Variants in GRK5 observed in about 807,000 individuals in gnomAD.
The protein encoded by GRK5 is G protein-coupled receptor kinase 5.
GRK5 carries 40 observed loss-of-function variants against 78.4 expected under a neutral mutation model. The ratio of observed to expected loss-of-function variants is 0.51; its 90% confidence interval spans 0.40 to 0.66. GRK5 has a LOEUF of 0.66. GRK5 is among the 30% of genes least tolerant of loss of function. The pLI is 0.00. For synonymous variants in GRK5, 289 were observed against 296.8 expected, an observed-to-expected ratio of 0.97 and a Z score of 0.27; for missense variants, 598 against 759.9, an observed-to-expected ratio of 0.79 and a Z score of 2.50.
chr10:119,308,868 G>C (rs871199), intron 1 of GRK5, among the ~76,000 whole-genome samples: 105,153 of 151,770 alleles, frequency 0.69, 38,620 homozygotes, highest in East Asian at 0.84. Context: ...GTATGGATTT[G>C]GGGGAATGCT....
rs1480555202 is a variant in GRK5, at chr10:119,412,170, G to T, written c.340-10996G>T. ...CCGGCCTCAGATCCGCTTCTGATTG[G>T]AGGCTGTGCCCACCTTCATGGGAAA... On this transcript the variant is annotated intron_variant, in intron 4 of 15. Transcript: ENST00000392870. The surrounding 1 kb of genome is among the most constrained non-coding windows in gnomAD (Gnocchi z 4.3). 6.6e-6 allele frequency among the ~76,000 whole-genome samples: 1 copy of T among 152,026 alleles called. No individual in the cohort carries two copies. The highest frequency in any genetic ancestry group is 2.4e-5 in the African/African-American group (1 of 41,408).
At chr10:119,388,990 C>G (rs1003721254) in intron 3 of GRK5, among the ~76,000 whole-genome samples, 1 of 150,706 alleles carries the variant, frequency 6.6e-6, no homozygotes, top group African/African-American at 2.4e-5. Context: ...TATGACCTAG[C>G]CTTAGAGCAT....
intron 1 of GRK5, among the ~76,000 whole-genome samples, chr10:119,315,908 C>T (rs551897510): frequency 4.6e-5 from 7 of 152,258 alleles, no homozygotes; most frequent in East Asian, 1.9e-4. Context: ...CGAAAGACCC[C>T]GCTTCATGAC....
At chr10:119,398,087 C>G (rs975775919) in intron 4 of GRK5, among the ~76,000 whole-genome samples, 1 of 152,232 alleles carries the variant, frequency 6.6e-6, no homozygotes, top group African/African-American at 2.4e-5. Context: ...CAGCTGCCCC[C>G]ACCTTGGGGG....
At chr10:119,332,455 T>G (rs1332731163) in intron 2 of GRK5, among the ~76,000 whole-genome samples, 2 of 152,202 alleles carry the variant, frequency 1.3e-5, no homozygotes, top group East Asian at 3.8e-4. Context: ...GCTTTTCAGA[T>G]ATCTGCAACA....
chr10:119,421,049 AC>A (rs1421888224), intron 4 of GRK5, among the ~76,000 whole-genome samples: 63 of 152,262 alleles, frequency 4.1e-4, no homozygotes, highest in Admixed American at 7.2e-4. Context: ...CCCATGGCCC[AC>A]CCTGCTGGCA....
intron 1 of GRK5, among the ~76,000 whole-genome samples, chr10:119,243,590 G>A (rs113974777): frequency 0.015 from 1,770 of 115,278 alleles, 29 homozygotes; most frequent in African/African-American, 0.061. Context: ...TTTTCTTTCT[G>A]TCCCTATCTC....
intron 1 of GRK5, among the ~76,000 whole-genome samples, chr10:119,280,024 G>A (rs1479351195): frequency 6.6e-6 from 1 of 152,062 alleles, no homozygotes; most frequent in Non-Finnish European, 1.5e-5. Context: ...TTGCACTGGG[G>A]CCAGAATGGG....
chr10:119,391,740 A>G (rs1348493508), intron 3 of GRK5, among the ~76,000 whole-genome samples: 1 of 152,152 alleles, frequency 6.6e-6, no homozygotes, highest in Non-Finnish European at 1.5e-5. Context: ...CGTGGTCAGC[A>G]CACACGAGAA....
At chr10:119,269,103 A>G (rs796237329) in intron 1 of GRK5, among the ~76,000 whole-genome samples, 54 of 152,112 alleles carry the variant, frequency 3.6e-4, no homozygotes, top group African/African-American at 1.1e-3. Flanking sequence ...CTCATTCTAG[A>G]CTCTTCCAGG....
chr10:119,327,981 C>T (rs1275920012), intron 2 of GRK5, among the ~76,000 whole-genome samples: 3 of 152,214 alleles, frequency 2.0e-5, no homozygotes, highest in Non-Finnish European at 4.4e-5. Flanking sequence ...CTCTGCTGGC[C>T]ACATGACAAG....
intron 1 of GRK5, among the ~76,000 whole-genome samples, chr10:119,302,616 C>T (rs1422881865): frequency 6.6e-6 from 1 of 152,174 alleles, no homozygotes; most frequent in Non-Finnish European, 1.5e-5. Context: ...TATTACAGTT[C>T]AACTGGCTGG....
chr10:119,443,873 G>T, intron 12 of GRK5, 121 bp downstream of exon 12: 1 of 849,630 alleles, frequency 1.2e-6, no homozygotes, highest in Non-Finnish European at 1.8e-6. Context: ...CATGGGGGTG[G>T]GGGTTGCAGC....
chr10:119,450,078 GT>G (rs34348380), intron 13 of GRK5, among the ~76,000 whole-genome samples: 3 of 152,186 alleles, frequency 2.0e-5, no homozygotes, highest in Non-Finnish European at 4.4e-5. Flanking sequence ...TTTGTTGTTT[GT>G]TTTTAGTGCC....
intron 2 of GRK5, among the ~76,000 whole-genome samples, chr10:119,328,652 A>G (rs547030708): frequency 1.3e-5 from 2 of 152,326 alleles, no homozygotes; most frequent in East Asian, 3.9e-4. Context: ...ACTCATCCAC[A>G]GGGCCACAGG....
intron 4 of GRK5, among the ~76,000 whole-genome samples, chr10:119,398,785 G>A (rs1852099644): frequency 6.6e-6 from 1 of 152,218 alleles, no homozygotes; most frequent in African/African-American, 2.4e-5. Context: ...CCCAAGTCTG[G>A]GTGATTCTAG....
chr10:119,277,570 A>G (rs890009707), intron 1 of GRK5, among the ~76,000 whole-genome samples: 1 of 152,132 alleles, frequency 6.6e-6, no homozygotes, highest in African/African-American at 2.4e-5. Context: ...CACTTTATTG[A>G]GTGTAATTGA....
intron 2 of GRK5, among the ~76,000 whole-genome samples, chr10:119,376,828 A>G (rs573708229): frequency 8.5e-5 from 13 of 152,270 alleles, no homozygotes; most frequent in Non-Finnish European, 2.9e-5. Context: ...CGGCCTCTCA[A>G]AGTGATGGGA....
chr10:119,303,761 G>A (rs1365747384), intron 1 of GRK5, among the ~76,000 whole-genome samples: 1 of 151,998 alleles, frequency 6.6e-6, no homozygotes, highest in Non-Finnish European at 1.5e-5. Flanking sequence ...TGGCAGCCCT[G>A]GGGCCATAGG....
Sources: gnomAD v4.1 joint callset for allele counts (sites outside exome capture counted in the v4.1 genomes callset) on GRCh38, gnomAD v4.1.1 for gene constraint, Gnocchi (gnomAD v3.1) non-coding constraint, MANE v1.5 for transcripts, NCBI Gene and HGNC (gene_info 2026-07-23, HGNC 2026-07-21) for gene names.